The following PPA2 variants were observed in gnomAD, a reference collection of about 807,000 sequenced individuals.
The protein encoded by PPA2 is inorganic pyrophosphatase 2.
A neutral mutation model predicts 49.5 loss-of-function variants in PPA2; 48 were observed. That is an observed-to-expected ratio of 0.97 (90% confidence interval 0.77 to 1.23). The LOEUF is 1.23. Ranked by LOEUF, PPA2 falls within the 50% of genes most tolerant of loss-of-function variation. The pLI, the probability that PPA2 is intolerant of heterozygous loss-of-function variation, is 0.00. For synonymous variants in PPA2, 131 were observed against 139.9 expected (o/e 0.94, Z 0.45); for missense variants, 429 against 410.1 (o/e 1.05, Z -0.40).
At chr4:105,431,804 A>G (rs1161587571) in intron 6 of PPA2, among the ~76,000 whole-genome samples, 1 of 152,190 alleles carries the variant, frequency 6.6e-6, no homozygotes, top group Non-Finnish European at 1.5e-5. Flanking sequence ...TCAAAAGCAC[A>G]CTAAGTGAAA....
chr4:105,434,751 C>T (rs957152883), intron 6 of PPA2, among the ~76,000 whole-genome samples: 1 of 152,068 alleles, frequency 6.6e-6, no homozygotes, highest in Admixed American at 6.5e-5. Context: ...AGCAAGGAAG[C>T]ATGCCCAGAT....
At chr4:105,380,030 G>C (rs1023169397) in intron 10 of PPA2, among the ~76,000 whole-genome samples, 1 of 152,182 alleles carries the variant, frequency 6.6e-6, no homozygotes, top group African/African-American at 2.4e-5. Context: ...TTGCTATGGA[G>C]ACATTCATGC....
chr4:105,399,459 A>G (rs1029091359), intron 7 of PPA2: 18 of 207,626 alleles, frequency 8.7e-5, no homozygotes, highest in Non-Finnish European at 5.7e-5. Context: ...TTTCATCAAG[A>G]TACTCAGTTT....
At chr4:105,444,205 A>G (rs1352831896) in intron 5 of PPA2, among the ~76,000 whole-genome samples, 1 of 152,220 alleles carries the variant, frequency 6.6e-6, no homozygotes, top group African/African-American at 2.4e-5. Flanking sequence ...TGAGGACACA[A>G]TGAGGTAAGT....
intron 7 of PPA2, among the ~76,000 whole-genome samples, chr4:105,411,707 A>G (rs985274324): frequency 1.6e-4 from 24 of 152,186 alleles, no homozygotes; most frequent in African/African-American, 4.3e-4. Context: ...TCTCAGCCCA[A>G]AATCTCCTTA....
intron 1 of PPA2, among the ~76,000 whole-genome samples, chr4:105,463,794 T>C (rs942111163): frequency 3.3e-4 from 50 of 152,172 alleles, no homozygotes; most frequent in African/African-American, 1.1e-3. Flanking sequence ...AGCTTCCAAG[T>C]GGTGTTGAGC....
intron 6 of PPA2, among the ~76,000 whole-genome samples, chr4:105,429,157 T>C (rs1278212018): frequency 6.6e-6 from 1 of 152,206 alleles, no homozygotes; most frequent in African/African-American, 2.4e-5. Context: ...TTTAATTTCA[T>C]TCTACTGCCA....
chr4:105,426,862 A>G (rs1174980526), intron 6 of PPA2, among the ~76,000 whole-genome samples: 1 of 152,210 alleles, frequency 6.6e-6, no homozygotes. Context: ...TTCTTCCAGC[A>G]TGGCATTTGA....
intron 9 of PPA2, among the ~76,000 whole-genome samples, chr4:105,387,722 C>T (rs1050564083): frequency 5.3e-5 from 8 of 151,994 alleles, no homozygotes; most frequent in Non-Finnish European, 8.8e-5. Flanking sequence ...CGTTTACTTA[C>T]GTAACAAAAC....
chr4:105,435,555 A>G (rs1012284043), intron 6 of PPA2, among the ~76,000 whole-genome samples: 1 of 152,022 alleles, frequency 6.6e-6, no homozygotes, highest in African/African-American at 2.4e-5. Flanking sequence ...AGGCTTCAAC[A>G]CTCCACTGGT....
At chr4:105,384,439 C>T (rs1439955499) in intron 10 of PPA2, among the ~76,000 whole-genome samples, 1 of 152,002 alleles carries the variant, frequency 6.6e-6, no homozygotes, top group Non-Finnish European at 1.5e-5. Context: ...ACTAATGTGA[C>T]AGAAAGCAAT....
chr4:105,428,084 A>G (rs1578851447), intron 6 of PPA2, among the ~76,000 whole-genome samples: 1 of 152,328 alleles, frequency 6.6e-6, no homozygotes, highest in East Asian at 1.9e-4. Context: ...CCAGAATGTC[A>G]TATCCAGGCA....
chr4:105,438,736 A>G (rs937377704), intron 5 of PPA2, among the ~76,000 whole-genome samples: 1 of 152,170 alleles, frequency 6.6e-6, no homozygotes, highest in Non-Finnish European at 1.5e-5. Flanking sequence ...ATCTCTCCCA[A>G]AAAGCCTCAG....
At chr4:105,376,194 G>A (rs1733242336) in intron 10 of PPA2, among the ~76,000 whole-genome samples, 1 of 152,162 alleles carries the variant, frequency 6.6e-6, no homozygotes. Flanking sequence ...TGAAATAGAT[G>A]GCCACACTAC....
chr4:105,471,274 C>A (rs1180999805), intron 1 of PPA2, among the ~76,000 whole-genome samples: 1 of 152,186 alleles, frequency 6.6e-6, no homozygotes, highest in Non-Finnish European at 1.5e-5. Context: ...AGGGTCAGGG[C>A]TGGCACCAAG....
intron 1 of PPA2, among the ~76,000 whole-genome samples, chr4:105,466,127 T>C (rs1008967557): frequency 6.6e-5 from 10 of 152,132 alleles, no homozygotes; most frequent in African/African-American, 2.4e-4. Context: ...TTTTAACAAG[T>C]TATTTGCTAA....
chr4:105,461,672 G>T (rs1723098206), intron 1 of PPA2, among the ~76,000 whole-genome samples: 1 of 152,114 alleles, frequency 6.6e-6, no homozygotes, highest in Admixed American at 6.5e-5. Context: ...GTCAACTGAG[G>T]GGCTCAGAAT....
chr4:105,379,659 A>C (rs1374869041), intron 10 of PPA2, among the ~76,000 whole-genome samples: 12 of 138,338 alleles, frequency 8.7e-5, no homozygotes, highest in African/African-American at 3.3e-4. Flanking sequence ...TTTGAGACAG[A>C]GTCTCGTTCT....
intron 6 of PPA2, among the ~76,000 whole-genome samples, chr4:105,436,904 G>A (rs1324453229): frequency 2.6e-5 from 4 of 152,028 alleles, no homozygotes; most frequent in South Asian, 2.1e-4. Flanking sequence ...TCTGGATATC[G>A]CCTAGGCAAA....
Sources: gnomAD v4.1 joint callset for allele counts (sites outside exome capture counted in the v4.1 genomes callset) on GRCh38, gnomAD v4.1.1 for gene constraint, MANE v1.5 for transcripts, NCBI Gene and HGNC (gene_info 2026-07-23, HGNC 2026-07-21) for gene names.